The following PCDH7 variants were observed in gnomAD, a reference collection of about 807,000 sequenced individuals.
The protein encoded by PCDH7 is protocadherin-7.
Under a neutral mutation model 58.9 loss-of-function variants are expected in PCDH7, and 17 were observed. That is an observed-to-expected ratio of 0.29 (90% CI 0.20 to 0.43). The LOEUF (loss-of-function observed/expected upper bound fraction) is 0.43, where lower values mean the gene tolerates loss of function less well. PCDH7 is among the 20% of genes least tolerant of loss of function. The pLI is 1.00. For synonymous variants in PCDH7, 664 were observed against 616.4 expected (o/e 1.08, Z -1.14); for missense variants, 1,274 against 1,441.0 (o/e 0.88, Z 1.88).
At chr4:31,066,498 G>C (rs766026170) in intron 3 of PCDH7, among the ~76,000 whole-genome samples, 7 of 151,800 alleles carry the variant, frequency 4.6e-5, no homozygotes, top group Non-Finnish European at 8.8e-5. Flanking sequence ...ATTCAGATGG[G>C]AATTTAGTTT....
In PCDH7 at chr4:30,890,807, T is replaced by C. The variant is rs1187729703; in HGVS notation, c.71-29346T>C. On this transcript the variant is annotated intron_variant, in intron 1 of 3. Coordinates refer to the PCDH7 transcript ENST00000509759. ...GTATATTTAAAACCTTATATTTACC[T>C]AGCGTAGTAAATTATATCAGTAATG... Among the ~76,000 whole-genome samples, 6 of 152,160 alleles carry C rather than the reference T, an allele frequency of 3.9e-5. 1 individual carries two copies. Among genetic ancestry groups the C allele is most frequent in the African/African-American group, 1.4e-4 (6 of 41,460 alleles).
intron 2 of PCDH7, among the ~76,000 whole-genome samples, chr4:30,931,701 G>T (rs1744625651): frequency 6.6e-6 from 1 of 151,830 alleles, no homozygotes; most frequent in African/African-American, 2.4e-5. Context: ...ACACACTTGA[G>T]AACTTCTTTC....
At position 30,787,624 on chromosome 4, in the gene PCDH7, A is replaced by G. The variant is rs141555165; in HGVS notation, c.70+63028A>G. 3.9e-3 allele frequency among the ~76,000 whole-genome samples: 588 copies of G among 152,176 alleles called. 6 individuals carry two copies. Among genetic ancestry groups the G allele is most frequent in the African/African-American group, 0.013 (524 of 41,556 alleles). The stretch of plus-strand genomic sequence containing the variant: ...TGTCCTTTTAAATTTGTGATCCTAC[A>G]CATTTATATATGCAGAAGAGGGCCT... On this transcript the variant is annotated intron_variant, in intron 1 of 3. Transcript: ENST00000509759.
chr4:30,829,656 C>A (rs961436921), intron 1 of PCDH7, among the ~76,000 whole-genome samples: 2 of 152,048 alleles, frequency 1.3e-5, no homozygotes, highest in African/African-American at 2.4e-5. Flanking sequence ...TGAAATCTTA[C>A]CACATGTCAT....
At chr4:30,959,663 A>G (rs1441673080) in intron 3 of PCDH7, among the ~76,000 whole-genome samples, 2 of 152,182 alleles carry the variant, frequency 1.3e-5, no homozygotes, top group African/African-American at 2.4e-5. Flanking sequence ...TTAAAGTGCC[A>G]CGTTAGGCCC....
At chr4:30,782,035 C>G (rs1722873008) in intron 1 of PCDH7, among the ~76,000 whole-genome samples, 2 of 152,032 alleles carry the variant, frequency 1.3e-5, no homozygotes, top group African/African-American at 4.8e-5. Context: ...GCAATTTAGA[C>G]AACTTTCAGG....
rs756004867 is a variant in PCDH7, at chr4:30,722,844, C to T, written c.1422C>T (p.Ser474=). 1 of 1,613,670 alleles carries T rather than the reference C, an allele frequency of 6.2e-7. No individual in the cohort carries two copies. Residue 474 remains serine (S), a synonymous_variant, in exon 1 of 2, where the codon AGC becomes AGT. Coordinates refer to ENST00000361762, the Ensembl canonical transcript of PCDH7. The surrounding 1 kb of genome is among the most constrained non-coding windows in gnomAD (Gnocchi z 7.6). ...TGCCCTTCCAGCTCAAGCCAGCCAG[C>T]GACACCGAGGGCGACCAGAACAAGA... is the stretch of plus-strand genomic sequence containing the variant.
Position 31,142,664 on chromosome 4 carries a change from G to A in PCDH7, c.*199G>A, listed in dbSNP as rs536011506. Reference sequence around the variant, plus strand: ...GGAAAAGCTGGCCAATGGGGAGGCCGCCATCATGGGTGACCGCAACAGAAA... The same window carrying A: ...GGAAAAGCTGGCCAATGGGGAGGCCACCATCATGGGTGACCGCAACAGAAA... On this transcript the variant is annotated 3_prime_UTR_variant, in exon 4 of 4. Coordinates refer to the PCDH7 transcript ENST00000509759. 2.3e-5 allele frequency: 32 copies of A among 1,367,730 alleles called. No individual in the cohort carries two copies. The East Asian group carries it at 7.7e-4, about 33-fold the overall frequency. The allele number at this position is 1,367,730 out of a possible 1,614,324, so 84.7% of individuals were successfully genotyped here. A position where few individuals can be genotyped will look rare whatever the true frequency, so the allele number is the denominator to read the frequency against.
intron 1 of PCDH7, among the ~76,000 whole-genome samples, chr4:30,866,768 C>T (rs2109358664): frequency 6.6e-6 from 1 of 151,144 alleles, no homozygotes; most frequent in African/African-American, 2.4e-5. Flanking sequence ...ACATGGTAAA[C>T]TGGAATAAGA....
chr4:30,767,256 G>A (rs978829973), intron 1 of PCDH7, among the ~76,000 whole-genome samples: 1 of 152,196 alleles, frequency 6.6e-6, no homozygotes, highest in Admixed American at 6.5e-5. Context: ...TGAATATGGA[G>A]TCTTTGTTCA....
chr4:30,801,144 G>GGGAAAACTA (rs1560383915), intron 1 of PCDH7, among the ~76,000 whole-genome samples: 3 of 152,198 alleles, frequency 2.0e-5, no homozygotes, highest in Admixed American at 1.3e-4. Flanking sequence ...TTGGTAGGTG[G>GGGAAAACTA]TTAGATGTTG....
intron 1 of PCDH7, among the ~76,000 whole-genome samples, chr4:30,809,625 T>A (rs1398712550): frequency 6.6e-6 from 1 of 152,226 alleles, no homozygotes; most frequent in Non-Finnish European, 1.5e-5. Flanking sequence ...AATATTTAAC[T>A]TCTGAGGAAA....
At chr4:30,976,495 G>T (rs1219776915) in intron 3 of PCDH7, among the ~76,000 whole-genome samples, 1 of 150,580 alleles carries the variant, frequency 6.6e-6, no homozygotes, top group Non-Finnish European at 1.5e-5. Flanking sequence ...CTGCCTCTGG[G>T]GTTCAAATGA....
chr4:30,850,400 A>G (rs73214906), intron 1 of PCDH7, among the ~76,000 whole-genome samples: 13,588 of 152,144 alleles, frequency 0.089, 767 homozygotes, highest in Non-Finnish European at 0.12. Flanking sequence ...CAAGCCATAG[A>G]CTATTTGTGC....
intron 1 of PCDH7, among the ~76,000 whole-genome samples, chr4:30,907,050 T>C (rs1741036774): frequency 1.3e-5 from 2 of 152,004 alleles, no homozygotes; most frequent in Admixed American, 1.3e-4. Flanking sequence ...AAGCAGATTA[T>C]GGTCCCAGCA....
intron 3 of PCDH7, among the ~76,000 whole-genome samples, chr4:30,983,207 A>G (rs1750714539): frequency 6.6e-6 from 1 of 152,204 alleles, no homozygotes; most frequent in African/African-American, 2.4e-5. Context: ...TCATACATAC[A>G]CATTTACAAG....
At chr4:30,799,487 T>C (rs1000765920) in intron 1 of PCDH7, among the ~76,000 whole-genome samples, 1 of 152,198 alleles carries the variant, frequency 6.6e-6, no homozygotes, top group African/African-American at 2.4e-5. Flanking sequence ...TGCATATAAT[T>C]TTCAAAATGC....
In PCDH7 at chr4:31,087,195, A is replaced by G. The variant is rs116748651; in HGVS notation, c.*8-55278A>G. On this transcript the variant is annotated intron_variant, in intron 3 of 3. Transcript: ENST00000509759. ...TAGTCACCCTGTTCGAATAATTTCT[A>G]CATCAGTACGTCAACTGCTAGCTAT... Among the ~76,000 whole-genome samples the G allele has an allele frequency of 3.3e-3, 508 of 152,260 alleles. 6 individuals carry two copies. Among genetic ancestry groups the G allele is most frequent in the African/African-American group, 0.012 (488 of 41,554 alleles).
In PCDH7 at chr4:31,134,272, C is replaced by T. The variant is rs149522319; in HGVS notation, c.*8-8201C>T. ...GTCAGGAGATCGAGACCATCCTGGC[C>T]AACATGATGAAACCCCGTCTCTACT... is the stretch of plus-strand genomic sequence containing the variant. On this transcript the variant is annotated intron_variant, in intron 3 of 3. Transcript: ENST00000509759. 9.3e-3 allele frequency among the ~76,000 whole-genome samples: 1,418 copies of T among 152,036 alleles called. 27 individuals carry two copies. The highest frequency in any genetic ancestry group is 0.033 in the African/African-American group (1,358 of 41,470).
Sources: allele counts gnomAD v4.1 joint callset (sites outside exome capture counted in the v4.1 genomes callset), GRCh38; gene constraint gnomAD v4.1.1; non-coding constraint Gnocchi (gnomAD v3.1); transcripts MANE v1.5; gene names NCBI Gene and HGNC (gene_info 2026-07-23, HGNC 2026-07-21).